RPH3A: variants seen among roughly 807,000 people sequenced by gnomAD.
The protein encoded by RPH3A is rabphilin 3A.
In RPH3A, 48 loss-of-function variants were observed where a neutral mutation model predicts 102.2. The observed-to-expected ratio is 0.47, with a 90% CI of 0.37 to 0.60. RPH3A has a LOEUF of 0.60. RPH3A is among the 20% of genes least tolerant of loss of function. The pLI, the probability that RPH3A is intolerant of heterozygous loss-of-function variation, is 0.00. For synonymous variants in RPH3A, 310 were observed against 324.3 expected (o/e 0.96, Z 0.47); for missense variants, 781 against 910.1 (o/e 0.86, Z 1.83).
intron 1 of RPH3A, among the ~76,000 whole-genome samples, chr12:112,609,764 G>T (rs556946883): frequency 4.4e-4 from 67 of 152,264 alleles, no homozygotes; most frequent in African/African-American, 1.6e-3. Context: ...GATGCCTATT[G>T]TTCAAAAGCA....
intron 2 of RPH3A, among the ~76,000 whole-genome samples, chr12:112,803,951 C>T (rs1490091612): frequency 2.0e-5 from 3 of 152,166 alleles, no homozygotes; most frequent in Non-Finnish European, 4.4e-5. Flanking sequence ...AGAGTGGCTG[C>T]GAGAATTCCA....
chr12:112,621,298 G>A (rs1178905238), intron 1 of RPH3A, among the ~76,000 whole-genome samples: 9 of 150,562 alleles, frequency 6.0e-5, no homozygotes, highest in African/African-American at 2.0e-4. Flanking sequence ...CTGAGGTACC[G>A]GGTTCATCTC....
Position 112,796,174 on chromosome 12 carries a change from G to C in RPH3A, c.-19+3911G>C, listed in dbSNP as rs192527972. ...CTAGCAGGGGAGTCATGAGCCTGGG[G>C]GGTAGGCCCCAGAGAAGAATTCTAG... On this transcript the variant is annotated intron_variant, in intron 2 of 21. Transcript: ENST00000389385. Among the ~76,000 whole-genome samples the C allele has an allele frequency of 3.2e-3, 482 of 152,324 alleles. 3 individuals carry two copies. Among genetic ancestry groups the C allele is most frequent in the African/African-American group, 0.01 (432 of 41,570 alleles).
intron 4 of RPH3A, chr12:112,841,975 C>G (rs1324421406): frequency 6.6e-6 from 3 of 455,864 alleles, no homozygotes; most frequent in African/African-American, 6.0e-5. Flanking sequence ...TGCAGATAGG[C>G]AAGGAATTGA....
At chr12:112,730,411 C>G (rs2040624453) in intron 1 of RPH3A, among the ~76,000 whole-genome samples, 1 of 152,226 alleles carries the variant, frequency 6.6e-6, no homozygotes, top group South Asian at 2.1e-4. Flanking sequence ...CAAGGTCATG[C>G]CTTTCTCTGG....
intron 1 of RPH3A, among the ~76,000 whole-genome samples, chr12:112,761,562 T>G (rs957296180): frequency 2.6e-5 from 4 of 152,052 alleles, no homozygotes; most frequent in Non-Finnish European, 4.4e-5. Flanking sequence ...AGACTGGGAG[T>G]GGGGAGAAGT....
At chr12:112,678,249 GAA>G (rs2040196086) in intron 1 of RPH3A, among the ~76,000 whole-genome samples, 1 of 28,980 alleles carries the variant, frequency 3.5e-5, no homozygotes, top group African/African-American at 2.9e-4. Context: ...AAGAAAGAAA[GAA>G]AGAAAGAAAG....
chr12:112,795,337 A>C (rs899390248), intron 2 of RPH3A, among the ~76,000 whole-genome samples: 1 of 152,236 alleles, frequency 6.6e-6, no homozygotes, highest in Non-Finnish European at 1.5e-5. Flanking sequence ...TATTTCTGTT[A>C]AGAGCTGTGG....
chr12:112,658,209 C>T (rs1248208328), intron 1 of RPH3A, among the ~76,000 whole-genome samples: 1 of 152,032 alleles, frequency 6.6e-6, no homozygotes, highest in African/African-American at 2.4e-5. Flanking sequence ...TGGAATCTTG[C>T]TCTGTCGTCC....
chr12:112,640,707 A>G (rs553208503), intron 1 of RPH3A, among the ~76,000 whole-genome samples: 1 of 152,304 alleles, frequency 6.6e-6, no homozygotes, highest in East Asian at 1.9e-4. Context: ...ACGGAATTTA[A>G]TACCCTTTGC....
chr12:112,576,097 T>C (rs1464911582), intron 1 of RPH3A, among the ~76,000 whole-genome samples: 1 of 152,198 alleles, frequency 6.6e-6, no homozygotes, highest in East Asian at 1.9e-4. Context: ...CTGAACTTGC[T>C]ACTTGTGATG....
At chr12:112,654,175 G>C (rs961483532) in intron 1 of RPH3A, among the ~76,000 whole-genome samples, 1 of 152,124 alleles carries the variant, frequency 6.6e-6, no homozygotes, top group Non-Finnish European at 1.5e-5. Flanking sequence ...ACACGTCCTG[G>C]GGGGTTTGCT....
chr12:112,852,648 G>A (rs2042341756), intron 5 of RPH3A, among the ~76,000 whole-genome samples: 1 of 152,164 alleles, frequency 6.6e-6, no homozygotes, highest in Admixed American at 6.5e-5. Flanking sequence ...CATCCTATCA[G>A]CAGTGGCCAG....
At chr12:112,709,460 G>C (rs2040445300) in intron 1 of RPH3A, among the ~76,000 whole-genome samples, 1 of 151,956 alleles carries the variant, frequency 6.6e-6, no homozygotes, top group African/African-American at 2.4e-5. Flanking sequence ...TGAGGCAGGA[G>C]GATCACTTGA....
chr12:112,888,084 A>G (rs1041641004), intron 17 of RPH3A, among the ~76,000 whole-genome samples, 161 bp downstream of exon 17: 3 of 152,224 alleles, frequency 2.0e-5, no homozygotes, highest in African/African-American at 7.2e-5. Context: ...TCACAACCTC[A>G]GGCTGCATTC....
chr12:112,844,840 C>T (rs1469487284), intron 4 of RPH3A, among the ~76,000 whole-genome samples: 1 of 152,228 alleles, frequency 6.6e-6, no homozygotes, highest in Non-Finnish European at 1.5e-5. Context: ...CTGGGCAGCC[C>T]TGACACAAGG....
intron 4 of RPH3A, among the ~76,000 whole-genome samples, chr12:112,841,082 C>G (rs1001067053): frequency 1.3e-5 from 2 of 149,378 alleles, no homozygotes; most frequent in Non-Finnish European, 3.0e-5. Flanking sequence ...GTGATGCACA[C>G]CTCTAGTCCC....
In RPH3A at chr12:112,632,193, A is replaced by T. The variant is rs1445039398; in HGVS notation, c.-140+56874A>T. On this transcript the variant is annotated intron_variant, in intron 1 of 21. Coordinates refer to the RPH3A transcript ENST00000543106. Reference sequence around the variant, plus strand: ...GACTTGCTCCTCCTTGCCTTCTGCCATGATTGTGAGGCCTCCCCAGCCATA... The same window carrying T: ...GACTTGCTCCTCCTTGCCTTCTGCCTTGATTGTGAGGCCTCCCCAGCCATA... Among the ~76,000 whole-genome samples the T allele has an allele frequency of 2.6e-5, 4 of 152,188 alleles. No individual in the cohort carries two copies. In the East Asian group the frequency reaches 7.7e-4, roughly 29 times the overall value.
intron 4 of RPH3A, among the ~76,000 whole-genome samples, chr12:112,845,974 G>A (rs923922232): frequency 2.0e-5 from 3 of 152,122 alleles, no homozygotes; most frequent in African/African-American, 7.2e-5. Flanking sequence ...AACAGCAAGT[G>A]CAAAGGCCCT....
Sources: allele counts gnomAD v4.1 joint callset (sites outside exome capture counted in the v4.1 genomes callset), GRCh38; gene constraint gnomAD v4.1.1; transcripts MANE v1.5; gene names NCBI Gene and HGNC (gene_info 2026-07-23, HGNC 2026-07-21).